The following CMPK2 variants were observed in gnomAD, a reference collection of about 807,000 sequenced individuals.
The protein encoded by CMPK2 is UMP-CMP kinase 2, mitochondrial.
A neutral mutation model predicts 33.4 loss-of-function variants in CMPK2; 32 were observed. The ratio of observed to expected loss-of-function variants is 0.96; its 90% confidence interval spans 0.72 to 1.29. The LOEUF is 1.29. Among genes scored for constraint, CMPK2 ranks in the 50% most tolerant of loss-of-function variants. The probability of loss-of-function intolerance (pLI) is 0.00; values close to 1 mark genes in which losing one functional copy is unlikely to be tolerated. For missense variants in CMPK2, 672 were observed against 616.0 expected, an observed-to-expected ratio of 1.09 and a Z score of -0.96; for synonymous variants, 299 against 275.3, an observed-to-expected ratio of 1.09 and a Z score of -0.85.
At position 6,859,867 on chromosome 2, in the gene CMPK2, C is replaced by T. The variant is rs556430534; in HGVS notation, c.992+1317G>A. ...TCCACTAGACCCCAGAATGGTAGAT[C>T]CACTGACAGCTTGCACCATGCACCT... On this transcript the variant is annotated intron_variant, in intron 3 of 4. Transcript: ENST00000256722. 7.2e-5 allele frequency among the ~76,000 whole-genome samples: 11 copies of T among 152,288 alleles called. No individual in the cohort carries two copies. The East Asian group carries it at 2.1e-3, about 29-fold the overall frequency.
At chr2:6,859,560 G>A (rs906854101) in intron 3 of CMPK2, among the ~76,000 whole-genome samples, 1 of 152,208 alleles carries the variant, frequency 6.6e-6, no homozygotes, top group Admixed American at 6.5e-5. Flanking sequence ...TACAGCTCAG[G>A]CTCTTGATTC....
In CMPK2 at chr2:6,848,959, C is replaced by T. The variant is rs181616191; in HGVS notation, c.*891G>A. On this transcript the variant is annotated 3_prime_UTR_variant, in exon 5 of 5. Coordinates refer to ENST00000256722, the MANE Select transcript of CMPK2 (RefSeq NM_207315.4). ...AATACACAACAAACATTGCATTTAG[C>T]GTTTTGACTCCACTTTTAATTAATG... 496 of 985,694 alleles carry T rather than the reference C, an allele frequency of 5.0e-4. 5 individuals are homozygous for T. The African/African-American group carries it at 8.0e-3, about 16-fold the overall frequency. 61.1% of individuals were successfully genotyped at this position (985,694 alleles called of 1,614,324 possible).
Position 6,861,291 on chromosome 2 carries a change from A to T in CMPK2, c.885T>A (p.Phe295Leu). Reference sequence around the variant, plus strand: ...TTCTAATGATAGTTGGTTCATCATCAAAGATCTTCCTCCACTGGCCAATGC... The same window carrying T: ...TTCTAATGATAGTTGGTTCATCATCTAAGATCTTCCTCCACTGGCCAATGC... ...PSCIGQWRKI[F>L]DDEPTIIRRA... is the part of the protein sequence containing the mutation. Residue 295 changes from phenylalanine to leucine, a missense_variant, in exon 3 of 5, where the codon TTT becomes TTA. Physicochemically the swap from Phe to Leu is conservative, Grantham distance 22. Coordinates refer to ENST00000256722, the MANE Select transcript of CMPK2 (RefSeq NM_207315.4). 6.2e-7 allele frequency: 1 copy of T among 1,614,132 alleles called. No homozygotes were observed. The highest frequency in any genetic ancestry group is 8.5e-7 in the Non-Finnish European group (1 of 1,179,998).
intron 3 of CMPK2, among the ~76,000 whole-genome samples, chr2:6,859,106 G>A (rs1057238771): frequency 6.6e-6 from 1 of 152,248 alleles, no homozygotes; most frequent in African/African-American, 2.4e-5. Flanking sequence ...TTTAGCCCTT[G>A]CCCTAGAGAT....
At chr2:6,857,825 C>T (rs889280604) in intron 3 of CMPK2, among the ~76,000 whole-genome samples, 14 of 151,252 alleles carry the variant, frequency 9.3e-5, no homozygotes, top group African/African-American at 1.9e-4. Context: ...TTAGTAGAGA[C>T]GGGGTTTCAC....
chr2:6,850,751 A>G, intron 4 of CMPK2: 1 of 984,408 alleles, frequency 1.0e-6, no homozygotes, highest in Non-Finnish European at 1.2e-6. Context: ...TAACATTACT[A>G]TGTTATGATA....
rs764939514 is a variant in CMPK2, at chr2:6,865,223, G to A, written c.474C>T (p.Arg158=). ...ELLGACQEAP[R]PHLGEFEADP... is the part of the protein sequence containing the mutation. ...CGGCCTCGAACTCGCCCAAGTGCGG[G>A]CGTGGTGCCTCCTGACAGGCGCCCA... The change falls in exon 1 of 5, where the codon CGC becomes CGT. Residue 158 remains arginine, a synonymous_variant. Coordinates refer to ENST00000256722, the MANE Select transcript of CMPK2 (RefSeq NM_207315.4). The A allele has an allele frequency of 5.2e-6, 8 of 1,535,844 alleles. No homozygotes were observed. The highest frequency in any genetic ancestry group is 1.7e-4 in the Middle Eastern group (1 of 5,876).
chr2:6,851,170 G>C, intron 4 of CMPK2: 9 of 1,252,482 alleles, frequency 7.2e-6, no homozygotes, highest in Non-Finnish European at 9.1e-6. Flanking sequence ...GAGGCACAGA[G>C]ACACTTACTG....
In CMPK2 at chr2:6,863,589, AC is replaced by A; in HGVS notation, c.676-12del. The A allele has an allele frequency of 6.2e-7, 1 of 1,603,224 alleles. No individual in the cohort carries two copies. Among genetic ancestry groups the A allele is most frequent in the Non-Finnish European group, 8.5e-7 (1 of 1,171,660 alleles). ...AATAAAGGAGGTACACTGTAAAACA[AC>A]GTCTATCCATCAGCAATGAAGCCAG... On this transcript the variant is annotated splice_polypyrimidine_tract_variant and intron_variant, in intron 1 of 4. Transcript: ENST00000256722.
At chr2:6,841,707 T>C (rs530273241) in intron 3 of CMPK2, among the ~76,000 whole-genome samples, 4 of 152,260 alleles carry the variant, frequency 2.6e-5, no homozygotes, top group Admixed American at 2.6e-4. Context: ...TCAAGTGTGC[T>C]GGGACTTTGG....
intron 3 of CMPK2, among the ~76,000 whole-genome samples, chr2:6,854,529 A>T (rs921625571): frequency 6.6e-6 from 1 of 152,216 alleles, no homozygotes; most frequent in African/African-American, 2.4e-5. Context: ...GGCAATTCAC[A>T]CACACAAAGA....
intron 3 of CMPK2, among the ~76,000 whole-genome samples, chr2:6,860,947 C>A (rs1318005797): frequency 1.3e-5 from 2 of 152,112 alleles, no homozygotes; most frequent in Non-Finnish European, 2.9e-5. Context: ...AGTTATAGTT[C>A]CAGATACTAG....
At chr2:6,847,716 C>T (rs1042622507), downstream of CMPK2, among the ~76,000 whole-genome samples, 5 of 152,098 alleles carry the variant, frequency 3.3e-5, no homozygotes, top group East Asian at 1.9e-4. Flanking sequence ...TGAATACAGC[C>T]GATATGAAGA....
At chr2:6,860,193 C>A (rs928458252) in intron 3 of CMPK2, among the ~76,000 whole-genome samples, 1 of 152,156 alleles carries the variant, frequency 6.6e-6, no homozygotes, top group African/African-American at 2.4e-5. Flanking sequence ...AACTAACTTG[C>A]TTTTGATTTT....
At chr2:6,864,634 A>G (rs1164666275) in intron 1 of CMPK2, among the ~76,000 whole-genome samples, 1 of 151,836 alleles carries the variant, frequency 6.6e-6, no homozygotes, top group South Asian at 2.1e-4. Flanking sequence ...AATTTCTTAA[A>G]CCCCCTAAAC....
chr2:6,843,615 G>T (rs1458563004), downstream of CMPK2, among the ~76,000 whole-genome samples: 3 of 152,048 alleles, frequency 2.0e-5, no homozygotes, highest in African/African-American at 7.3e-5. Flanking sequence ...TCTACTAAGG[G>T]GAGACAAAGA....
At chr2:6,845,711 G>C (rs765300175), downstream of CMPK2, among the ~76,000 whole-genome samples, 4 of 152,188 alleles carry the variant, frequency 2.6e-5, no homozygotes, top group Non-Finnish European at 5.9e-5. Flanking sequence ...CTTTAATGCA[G>C]GGAATGTCCT....
Position 6,857,826 on chromosome 2 carries a change from G to A in CMPK2, c.992+3358C>T, listed in dbSNP as rs1006827804. ...AATTTTTTGTATTTTTAGTAGAGAC[G>A]GGGTTTCACCGTGTTAGCCAGGATG... On this transcript the variant is annotated intron_variant, in intron 3 of 4. Transcript: ENST00000256722. Among the ~76,000 whole-genome samples, 6 of 151,740 alleles carry A rather than the reference G, an allele frequency of 4.0e-5. No individual in the cohort carries two copies. The South Asian group carries it at 1.0e-3, about 26-fold the overall frequency.
intron 1 of CMPK2, chr2:6,864,462 T>A (rs1662985277): frequency 6.6e-6 from 1 of 152,242 alleles, no homozygotes; most frequent in Non-Finnish European, 1.5e-5. Context: ...AGAAAGAATT[T>A]TCAGTCTCTT....
Sources: gnomAD v4.1 joint callset for allele counts (sites outside exome capture counted in the v4.1 genomes callset) on GRCh38, gnomAD v4.1.1 for gene constraint, MANE v1.5 for transcripts, NCBI Gene and HGNC (gene_info 2026-07-23, HGNC 2026-07-21) for gene names.